CRPPA: variants seen among roughly 807,000 people sequenced by gnomAD.
The protein encoded by CRPPA is D-ribitol-5-phosphate cytidylyltransferase.
Under a neutral mutation model 52.0 loss-of-function variants are expected in CRPPA, and 43 were observed. The observed-to-expected ratio is 0.83, with a 90% CI of 0.65 to 1.07. The LOEUF is 1.07. Among genes scored for constraint, CRPPA ranks in the 50% least tolerant of loss-of-function variants. The pLI, the probability that CRPPA is intolerant of heterozygous loss-of-function variation, is 0.00. For missense variants in CRPPA, 629 were observed against 551.7 expected (o/e 1.14, Z -1.40); for synonymous variants, 250 against 203.5 (o/e 1.23, Z -1.94).
chr7:16,359,772 T>C (rs532610261), intron 3 of CRPPA, among the ~76,000 whole-genome samples: 12 of 152,310 alleles, frequency 7.9e-5, no homozygotes, highest in African/African-American at 7.2e-5. Flanking sequence ...ATAAGTCTTA[T>C]ATGCCTCTTC....
chr7:16,260,141 A>C (rs1444990166), intron 6 of CRPPA, among the ~76,000 whole-genome samples: 1 of 152,212 alleles, frequency 6.6e-6, no homozygotes, highest in South Asian at 2.1e-4. Context: ...TCTAGATATT[A>C]CAGGGAGACA....
At chr7:16,261,156 C>T (rs1167532514) in intron 6 of CRPPA, among the ~76,000 whole-genome samples, 1 of 151,932 alleles carries the variant, frequency 6.6e-6, no homozygotes, top group Non-Finnish European at 1.5e-5. Flanking sequence ...GAATAATATG[C>T]ATGTCATTTT....
chr7:16,357,758 A>T (rs1049134082), intron 3 of CRPPA, among the ~76,000 whole-genome samples: 1 of 152,210 alleles, frequency 6.6e-6, no homozygotes, highest in African/African-American at 2.4e-5. Context: ...ATTACTAAGA[A>T]GGAATAAGAC....
chr7:16,331,190 G>C (rs928448797), intron 3 of CRPPA, among the ~76,000 whole-genome samples: 3 of 151,876 alleles, frequency 2.0e-5, no homozygotes, highest in African/African-American at 7.3e-5. Flanking sequence ...TTAGTAGAGA[G>C]GGGTTTCACC....
intron 9 of CRPPA, among the ~76,000 whole-genome samples, chr7:16,193,317 A>G (rs571381704): frequency 6.6e-6 from 1 of 152,152 alleles, no homozygotes; most frequent in Non-Finnish European, 1.5e-5. Flanking sequence ...TTTACCTTTA[A>G]TTTCCAATAT....
intron 3 of CRPPA, among the ~76,000 whole-genome samples, chr7:16,337,862 T>C (rs1270760219): frequency 6.6e-6 from 1 of 152,098 alleles, no homozygotes; most frequent in East Asian, 1.9e-4. Flanking sequence ...GTGCTAAGTT[T>C]CCCCCAGAAA....
chr7:16,368,667 T>C (rs889214910), intron 3 of CRPPA, among the ~76,000 whole-genome samples: 5 of 152,172 alleles, frequency 3.3e-5, no homozygotes, highest in African/African-American at 1.2e-4. Context: ...CATCAACAAT[T>C]TCATGATCAA....
chr7:16,122,180 C>T (rs923783816), intron 9 of CRPPA, among the ~76,000 whole-genome samples: 9 of 151,970 alleles, frequency 5.9e-5, no homozygotes, highest in Admixed American at 3.9e-4. Context: ...ATATAGAACA[C>T]GCACAATCAA....
At position 16,356,531 on chromosome 7, in the gene CRPPA, T is replaced by C. The variant is rs556970160; in HGVS notation, c.684+19561A>G. Among the ~76,000 whole-genome samples, 3 of 152,308 alleles carry C rather than the reference T, an allele frequency of 2.0e-5. No homozygotes were observed. The East Asian group carries it at 5.8e-4, about 29-fold the overall frequency. Reference sequence around the variant, plus strand: ...TCTGTCTGAGGTCCGGCTCAGGCTATAAGGAGACAGGCAGCTTCTACTTTG... The same window carrying C: ...TCTGTCTGAGGTCCGGCTCAGGCTACAAGGAGACAGGCAGCTTCTACTTTG... On this transcript the variant is annotated intron_variant, in intron 3 of 9. Coordinates refer to ENST00000407010, the MANE Select transcript of CRPPA (RefSeq NM_001101426.4).
intron 3 of CRPPA, among the ~76,000 whole-genome samples, chr7:16,309,098 A>G (rs1352312320): frequency 6.7e-6 from 1 of 148,752 alleles, no homozygotes; most frequent in African/African-American, 2.4e-5. Context: ...AAATATCAAT[A>G]TATCTTTTAA....
intron 3 of CRPPA, among the ~76,000 whole-genome samples, chr7:16,332,826 A>C (rs1213794392): frequency 6.6e-6 from 1 of 152,158 alleles, no homozygotes; most frequent in Non-Finnish European, 1.5e-5. Context: ...CAATGATCTA[A>C]ATATACCAAT....
At chr7:16,281,921 T>C (rs1287627219) in intron 5 of CRPPA, among the ~76,000 whole-genome samples, 2 of 152,180 alleles carry the variant, frequency 1.3e-5, no homozygotes, top group Non-Finnish European at 1.5e-5. Flanking sequence ...TTCTTTTTCA[T>C]TTCTGATACT....
rs149967491 is a variant in CRPPA, at chr7:16,155,745, G to C, written c.1251+60321C>G. Among the ~76,000 whole-genome samples the C allele has an allele frequency of 2.5e-3, 376 of 152,296 alleles. 2 individuals carry two copies. The highest frequency in any genetic ancestry group is 8.5e-3 in the African/African-American group (353 of 41,576). ...TCAACATTATGCTATTAGTAGTCAA[G>C]TTTTGGGGGAGTCCAAAATTTTATG... On this transcript the variant is annotated intron_variant, in intron 9 of 9. Transcript: ENST00000407010.
At chr7:16,352,768 G>A (rs1786189625) in intron 3 of CRPPA, among the ~76,000 whole-genome samples, 1 of 151,916 alleles carries the variant, frequency 6.6e-6, no homozygotes, top group African/African-American at 2.4e-5. Context: ...AATTGAAATC[G>A]ATTAATATGT....
chr7:16,140,184 G>GT (rs1400552795), intron 9 of CRPPA, among the ~76,000 whole-genome samples: 1 of 152,166 alleles, frequency 6.6e-6, no homozygotes, highest in Admixed American at 6.5e-5. Flanking sequence ...GTCTCACTCT[G>GT]TTGCCCAGGC....
At chr7:16,319,108 C>T (rs1025620583) in intron 3 of CRPPA, among the ~76,000 whole-genome samples, 3 of 152,136 alleles carry the variant, frequency 2.0e-5, no homozygotes, top group Admixed American at 6.5e-5. Context: ...GCTATGTAAA[C>T]ACAACTCATA....
intron 9 of CRPPA, among the ~76,000 whole-genome samples, chr7:16,149,086 A>G (rs1238620606): frequency 6.6e-6 from 1 of 152,182 alleles, no homozygotes; most frequent in Admixed American, 6.5e-5. Flanking sequence ...AATCCTAGCC[A>G]ATAAACATAT....
At chr7:16,348,076 T>C (rs929968936) in intron 3 of CRPPA, among the ~76,000 whole-genome samples, 1 of 152,116 alleles carries the variant, frequency 6.6e-6, no homozygotes, top group Non-Finnish European at 1.5e-5. Flanking sequence ...ACCCAGCTTC[T>C]AAGTAGCTTG....
chr7:16,244,102 AAGT>A (rs1481538573), intron 8 of CRPPA, among the ~76,000 whole-genome samples: 1 of 152,244 alleles, frequency 6.6e-6, no homozygotes, highest in Non-Finnish European at 1.5e-5. Flanking sequence ...CTATTTTAAT[AAGT>A]ATCTTAGTTC....
Sources: allele counts gnomAD v4.1 joint callset (sites outside exome capture counted in the v4.1 genomes callset), GRCh38; gene constraint gnomAD v4.1.1; transcripts MANE v1.5; gene names NCBI Gene and HGNC (gene_info 2026-07-23, HGNC 2026-07-21).